PTPRG: variants seen among roughly 807,000 people sequenced by gnomAD.
PTPRG encodes protein tyrosine phosphatase receptor type G.
Under a neutral mutation model 165.3 loss-of-function variants are expected in PTPRG, and 102 were observed. The ratio of observed to expected loss-of-function variants is 0.62; its 90% CI spans 0.53 to 0.73. The LOEUF (loss-of-function observed/expected upper bound fraction) is 0.73. Among genes scored for constraint, PTPRG ranks in the 30% least tolerant of loss-of-function variants. The pLI is 0.00. For synonymous variants in PTPRG, 675 were observed against 669.5 expected, an observed-to-expected ratio of 1.01 and a Z score of -0.13; for missense variants, 1,866 against 1,861.4, an observed-to-expected ratio of 1.00 and a Z score of -0.05.
At chr3:61,693,987 G>A (rs2030389403) in intron 1 of PTPRG, among the ~76,000 whole-genome samples, 1 of 143,000 alleles carries the variant, frequency 7.0e-6, no homozygotes, top group African/African-American at 2.6e-5. Flanking sequence ...CAGCCTGGGT[G>A]ACACAGTGAG....
intron 1 of PTPRG, among the ~76,000 whole-genome samples, chr3:61,573,081 A>G (rs943790849): frequency 4.6e-5 from 7 of 152,182 alleles, no homozygotes; most frequent in African/African-American, 1.4e-4. Context: ...TGGCTCTACA[A>G]ATGGCCTGCT....
chr3:61,839,839 C>T (rs757202653), intron 2 of PTPRG, among the ~76,000 whole-genome samples: 22 of 152,172 alleles, frequency 1.4e-4, no homozygotes, highest in Non-Finnish European at 2.9e-4. Context: ...CCTTCCCCCT[C>T]GTTGCCTACA....
intron 2 of PTPRG, among the ~76,000 whole-genome samples, chr3:61,958,093 G>A (rs1001233813): frequency 1.3e-5 from 2 of 151,994 alleles, no homozygotes; most frequent in African/African-American, 4.8e-5. Flanking sequence ...TTAGGGGCTA[G>A]TTACAAATAT....
intron 2 of PTPRG, chr3:61,770,017 A>G (rs536516501): frequency 3.9e-5 from 6 of 152,328 alleles, no homozygotes; most frequent in East Asian, 1.9e-4. Flanking sequence ...GGTGGCTGTG[A>G]TTTTTGACCT....
intron 1 of PTPRG, chr3:61,742,423 T>TTTTAAATGGTAATA: frequency 2.3e-6 from 3 of 1,283,576 alleles, no homozygotes; most frequent in Admixed American, 2.7e-5. Flanking sequence ...TTTTTTTTTT[T>TTTTAAATGGTAATA]GAACTGGTAA....
intron 2 of PTPRG, chr3:61,750,573 T>A (rs1171851317): frequency 6.6e-6 from 1 of 152,178 alleles, no homozygotes; most frequent in Non-Finnish European, 1.5e-5. Context: ...GTAGAAGGAC[T>A]AATGGTTCAA....
intron 8 of PTPRG, among the ~76,000 whole-genome samples, chr3:62,169,156 C>T (rs1009113275): frequency 1.3e-5 from 2 of 152,018 alleles, no homozygotes; most frequent in Admixed American, 1.3e-4. Flanking sequence ...AACTTTTGGT[C>T]ATGAAAACAG....
intron 2 of PTPRG, among the ~76,000 whole-genome samples, chr3:61,987,103 TAATC>T (rs1258841312): frequency 1.3e-5 from 2 of 152,224 alleles, no homozygotes; most frequent in South Asian, 2.1e-4. Context: ...TGAGAATAGA[TAATC>T]AATATCTGCA....
At chr3:62,281,172 T>C (rs1702418333) in intron 26 of PTPRG, among the ~76,000 whole-genome samples, 1 of 152,086 alleles carries the variant, frequency 6.6e-6, no homozygotes. Flanking sequence ...TACAGAATTA[T>C]TAACATAATC....
chr3:62,239,589 CA>C (rs1439624528), intron 14 of PTPRG, among the ~76,000 whole-genome samples: 1 of 151,860 alleles, frequency 6.6e-6, no homozygotes, highest in Non-Finnish European at 1.5e-5. Context: ...AGGCTGGTCT[CA>C]AACTTGTGAT....
chr3:61,604,567 C>G (rs35729375), intron 1 of PTPRG, among the ~76,000 whole-genome samples: 33,180 of 152,056 alleles, frequency 0.22, 3,769 homozygotes, highest in African/African-American at 0.28. Flanking sequence ...TTAACCCTCT[C>G]AACCAGCCTG....
At chr3:62,216,279 T>C (rs189973168) in intron 12 of PTPRG, among the ~76,000 whole-genome samples, 5 of 151,902 alleles carry the variant, frequency 3.3e-5, no homozygotes, top group Admixed American at 2.6e-4. Flanking sequence ...TGTTTAGGGA[T>C]ATAAGTGTGA....
chr3:61,881,180 C>G lies in PTPRG; in HGVS notation c.191-108445C>G, dbSNP rs147356913. 3.5e-3 allele frequency among the ~76,000 whole-genome samples: 530 copies of G among 152,212 alleles called. 2 individuals are homozygous for G. The highest frequency in any genetic ancestry group is 0.012 in the African/African-American group (500 of 41,504). ...CAAAGTGAGGTTTACAAGGGGCTTG[C>G]TCTCTAAAAACAGCCTTCTTCTTTC... On this transcript the variant is annotated intron_variant, in intron 2 of 29. Transcript: ENST00000474889.
intron 14 of PTPRG, among the ~76,000 whole-genome samples, chr3:62,234,942 C>A (rs545019422): frequency 2.0e-5 from 3 of 151,378 alleles, no homozygotes; most frequent in Non-Finnish European, 2.9e-5. Context: ...TACTTCCCCC[C>A]CCCGAGATGG....
chr3:61,834,175 G>T (rs78179524), intron 2 of PTPRG, among the ~76,000 whole-genome samples: 46 of 152,254 alleles, frequency 3.0e-4, no homozygotes, highest in Non-Finnish European at 6.3e-4. Context: ...TTGACATGTT[G>T]CCTCTCCTGA....
chr3:62,164,981 A>T (rs893649987), intron 7 of PTPRG, among the ~76,000 whole-genome samples: 1 of 152,182 alleles, frequency 6.6e-6, no homozygotes. Context: ...TTCACGATGT[A>T]TGGCAGCCCA....
rs539834120 is a variant in PTPRG at position 62,106,162 on chromosome 3, G to A, written c.616-26440G>A. Among the ~76,000 whole-genome samples, 181 of 152,230 alleles carry A rather than the reference G, an allele frequency of 1.2e-3. 1 individual carries two copies. The highest frequency in any genetic ancestry group is 4.2e-3 in the African/African-American group (175 of 41,528). On this transcript the variant is annotated intron_variant, in intron 5 of 29. Transcript: ENST00000474889. ...AGCAAAACTGAAAAGAAGGTGATAT[G>A]GGCAGATTTTCTAAATCTATATGGT...
intron 12 of PTPRG, among the ~76,000 whole-genome samples, chr3:62,216,548 C>T (rs1037872787): frequency 6.6e-6 from 1 of 151,224 alleles, no homozygotes; most frequent in Admixed American, 6.6e-5. Flanking sequence ...TCCCCCCCCT[C>T]CCCCACCAGC....
chr3:61,907,787 C>T (rs967394543), intron 2 of PTPRG, among the ~76,000 whole-genome samples: 63 of 152,218 alleles, frequency 4.1e-4, no homozygotes, highest in Admixed American at 1.4e-3. Flanking sequence ...TCCTTTGTAA[C>T]TGCTGAGCAG....
Sources: gnomAD v4.1 joint callset for allele counts (sites outside exome capture counted in the v4.1 genomes callset) on GRCh38, gnomAD v4.1.1 for gene constraint, MANE v1.5 for transcripts, NCBI Gene and HGNC (gene_info 2026-07-23, HGNC 2026-07-21) for gene names.